Variants in LARP4B observed in about 807,000 individuals in gnomAD.
LARP4B encodes la-related protein 4B.
A neutral mutation model predicts 89.8 loss-of-function variants in LARP4B; 12 were observed. The ratio of observed to expected loss-of-function variants is 0.13; its 90% CI spans 0.09 to 0.22. The LOEUF (loss-of-function observed/expected upper bound fraction) is 0.22. Among genes scored for constraint, LARP4B ranks in the 10% least tolerant of loss-of-function variants. The probability of loss-of-function intolerance (pLI) is 1.00; values close to 1 mark genes in which losing one functional copy is unlikely to be tolerated. For synonymous variants in LARP4B, 367 were observed against 363.3 expected, an observed-to-expected ratio of 1.01 and a Z score of -0.12; for missense variants, 757 against 947.7, an observed-to-expected ratio of 0.80 and a Z score of 2.64.
At chr10:826,825 G>A (rs1304480385) in intron 11 of LARP4B, among the ~76,000 whole-genome samples, 1 of 152,148 alleles carries the variant, frequency 6.6e-6, no homozygotes, top group Non-Finnish European at 1.5e-5. Context: ...AAGGAAAAAA[G>A]CAAGTAATTC....
chr10:807,470 G>C (rs191330187), downstream of LARP4B: 3 of 152,320 alleles, frequency 2.0e-5, no homozygotes, highest in African/African-American at 4.8e-5. Context: ...GCTGTCTTCT[G>C]CATCTGCATC....
chr10:913,680 C>T (rs1322747069), intron 1 of LARP4B, among the ~76,000 whole-genome samples: 1 of 152,260 alleles, frequency 6.6e-6, no homozygotes, highest in Non-Finnish European at 1.5e-5. Flanking sequence ...CAGTGGCTCA[C>T]GCCTGTAATC....
the LARP4B span, among the ~76,000 whole-genome samples, chr10:984,469 C>T: frequency 6.6e-6 from 1 of 152,134 alleles, no homozygotes; most frequent in Non-Finnish European, 1.5e-5. Flanking sequence ...AACAGTGTGT[C>T]AATAGAATGA....
chr10:923,346 G>A (rs778093228), intron 1 of LARP4B, among the ~76,000 whole-genome samples: 3 of 152,084 alleles, frequency 2.0e-5, no homozygotes, highest in Admixed American at 6.6e-5. Context: ...GGGGTTTCCC[G>A]GCACAGGTCT....
At chr10:976,522 T>C in the LARP4B span, among the ~76,000 whole-genome samples, 7 of 136,608 alleles carry the variant, frequency 5.1e-5, no homozygotes, top group South Asian at 2.4e-4. Flanking sequence ...TGTTGCGTAA[T>C]GTGCGGCCCG....
intron 1 of LARP4B, among the ~76,000 whole-genome samples, chr10:926,553 A>T (rs1056638117): frequency 6.6e-6 from 1 of 152,244 alleles, no homozygotes; most frequent in Non-Finnish European, 1.5e-5. Context: ...TTCTGAAAAG[A>T]GGCCAGCCAT....
chr10:866,555 CTGT>C (rs1413046312), intron 3 of LARP4B, among the ~76,000 whole-genome samples: 2 of 152,226 alleles, frequency 1.3e-5, no homozygotes, highest in Non-Finnish European at 2.9e-5. Flanking sequence ...TCCACCTGAT[CTGT>C]TGTCTTTGTA....
At chr10:967,692 G>A in the LARP4B span, among the ~76,000 whole-genome samples, 1 of 152,148 alleles carries the variant, frequency 6.6e-6, no homozygotes, top group Non-Finnish European at 1.5e-5. Flanking sequence ...CGGACTTCAG[G>A]GGGCAACAGA....
intron 1 of LARP4B, among the ~76,000 whole-genome samples, chr10:930,862 G>A (rs1837280543): frequency 6.6e-6 from 1 of 151,822 alleles, no homozygotes; most frequent in Non-Finnish European, 1.5e-5. Context: ...CCGCACGGCC[G>A]CCTATCCGGG....
upstream of LARP4B, among the ~76,000 whole-genome samples, chr10:934,760 C>T (rs1298734609): frequency 3.3e-5 from 5 of 152,212 alleles, no homozygotes; most frequent in Non-Finnish European, 7.3e-5. Flanking sequence ...GATACACTCC[C>T]TCATTTCCCA....
Position 812,897 on chromosome 10 carries a change from C to T in LARP4B, c.*29G>A. On this transcript the variant is annotated 3_prime_UTR_variant, in exon 18 of 18. Transcript: ENST00000316157. ...TGTCTCGTTTGTGGTTAACACAGCG[C>T]TCTGCGACCCCTCCCAGACGTACGG... 6.6e-7 allele frequency: 1 copy of T among 1,513,618 alleles called. No individual in the cohort carries two copies. The highest frequency in any genetic ancestry group is 2.3e-5 in the East Asian group (1 of 43,932). 93.8% of individuals were successfully genotyped at this position (1,513,618 alleles called of 1,614,324 possible).
At chr10:974,700 T>C in the LARP4B span, among the ~76,000 whole-genome samples, 1 of 152,214 alleles carries the variant, frequency 6.6e-6, no homozygotes, top group Non-Finnish European at 1.5e-5. Flanking sequence ...CAGACTGTAA[T>C]CGGTTCTGTG....
upstream of LARP4B, among the ~76,000 whole-genome samples, chr10:933,740 G>A (rs1056339676): frequency 6.6e-6 from 1 of 152,070 alleles, no homozygotes; most frequent in Non-Finnish European, 1.5e-5. Context: ...TACCTCCACG[G>A]ATAACCTACA....
intron 1 of LARP4B, among the ~76,000 whole-genome samples, chr10:905,644 A>G (rs2132000904): frequency 6.6e-6 from 1 of 151,642 alleles, no homozygotes; most frequent in Middle Eastern, 3.4e-3. Flanking sequence ...CAAAAAAAAG[A>G]AAGTGAACGT....
At chr10:876,312 G>A (rs181467021) in intron 3 of LARP4B, among the ~76,000 whole-genome samples, 66 of 152,156 alleles carry the variant, frequency 4.3e-4, no homozygotes, top group African/African-American at 1.2e-3. Context: ...TGAACCCAGC[G>A]GGTCAGAGGC....
upstream of LARP4B, among the ~76,000 whole-genome samples, chr10:932,350 TC>T (rs1830666004): frequency 7.1e-5 from 1 of 14,064 alleles, no homozygotes; most frequent in Non-Finnish European, 1.3e-4. Context: ...TGCCCCGAAC[TC>T]CCACCCCACA....
At chr10:917,028 A>C (rs1256091799) in intron 1 of LARP4B, among the ~76,000 whole-genome samples, 1 of 152,134 alleles carries the variant, frequency 6.6e-6, no homozygotes. Flanking sequence ...GTTTCTGATA[A>C]TTTTGAAGAC....
intron 3 of LARP4B, among the ~76,000 whole-genome samples, chr10:869,399 A>C (rs1190525971): frequency 6.6e-6 from 1 of 152,154 alleles, no homozygotes; most frequent in East Asian, 1.9e-4. Flanking sequence ...AGACAGAAAA[A>C]AGTCAACACA....
At chr10:857,231 T>C (rs2131809081) in intron 5 of LARP4B, among the ~76,000 whole-genome samples, 1 of 151,858 alleles carries the variant, frequency 6.6e-6, no homozygotes, top group East Asian at 1.9e-4. Flanking sequence ...AGAACTAGGA[T>C]AAGATGCTAA....
Sources: gnomAD v4.1 joint callset for allele counts (sites outside exome capture counted in the v4.1 genomes callset) on GRCh38, gnomAD v4.1.1 for gene constraint, MANE v1.5 for transcripts, NCBI Gene and HGNC (gene_info 2026-07-23, HGNC 2026-07-21) for gene names.